Variants in UQCC1 observed in about 807,000 individuals in gnomAD.
UQCC1 encodes ubiquinol-cytochrome c reductase complex assembly factor 1.
A neutral mutation model predicts 48.0 loss-of-function variants in UQCC1; 38 were observed. The ratio of observed to expected loss-of-function variants is 0.79; its 90% CI spans 0.61 to 1.04. The LOEUF (loss-of-function observed/expected upper bound fraction) is 1.04. Ranked by LOEUF, UQCC1 falls within the 50% of genes least tolerant of loss-of-function variation. UQCC1 has a pLI of 0.00. For missense variants in UQCC1, 368 were observed against 381.8 expected (o/e 0.96, Z 0.30); for synonymous variants, 111 against 129.2 (o/e 0.86, Z 0.95).
intron 5 of UQCC1, among the ~76,000 whole-genome samples, chr20:35,372,308 C>CAAAAA (rs1195132058): frequency 2.1e-5 from 2 of 93,974 alleles, no homozygotes; most frequent in African/African-American, 4.0e-5. Flanking sequence ...GATTCTGTCT[C>CAAAAA]AAAAAAAAAA....
intron 1 of UQCC1, among the ~76,000 whole-genome samples, chr20:35,396,431 C>T (rs2062080134): frequency 1.3e-5 from 2 of 151,908 alleles, no homozygotes; most frequent in African/African-American, 4.8e-5. Flanking sequence ...ACCTCAGCCT[C>T]CCAAGTAGCT....
intron 6 of UQCC1, among the ~76,000 whole-genome samples, chr20:35,353,802 A>C (rs923580208): frequency 6.6e-6 from 1 of 152,250 alleles, no homozygotes; most frequent in South Asian, 2.1e-4. Flanking sequence ...AAAAAAAAAA[A>C]ATTAGCTTAG....
chr20:35,309,800 T>C (rs1350996703), intron 8 of UQCC1, among the ~76,000 whole-genome samples: 2 of 152,234 alleles, frequency 1.3e-5, no homozygotes, highest in Non-Finnish European at 2.9e-5. Context: ...AAGATTGATT[T>C]GACATCACTA....
intron 2 of UQCC1, among the ~76,000 whole-genome samples, chr20:35,390,417 G>A (rs377404404): frequency 2.1e-5 from 3 of 141,274 alleles, no homozygotes; most frequent in African/African-American, 5.3e-5. Flanking sequence ...GTGAAACTCC[G>A]TCTCAAAAAA....
At chr20:35,334,696 ACAGTAC>A (rs1349690425) in intron 7 of UQCC1, among the ~76,000 whole-genome samples, 1 of 152,228 alleles carries the variant, frequency 6.6e-6, no homozygotes, top group Non-Finnish European at 1.5e-5. Context: ...TGCTTTTAGC[ACAGTAC>A]CTGGAAGCTA....
intron 6 of UQCC1, among the ~76,000 whole-genome samples, chr20:35,364,407 C>A (rs528926821): frequency 6.6e-6 from 1 of 152,274 alleles, no homozygotes; most frequent in South Asian, 2.1e-4. Flanking sequence ...ACTTACATTT[C>A]TTGAAGATAC....
intron 7 of UQCC1, 167 bp downstream of exon 7, chr20:35,346,997 T>C: frequency 6.4e-7 from 1 of 1,552,640 alleles, no homozygotes; most frequent in Non-Finnish European, 8.7e-7. Context: ...CTGTGGAGTA[T>C]TAGTTTCCAC....
intron 4 of UQCC1, among the ~76,000 whole-genome samples, chr20:35,375,413 G>C (rs2061784756): frequency 6.6e-6 from 1 of 152,138 alleles, no homozygotes; most frequent in Non-Finnish European, 1.5e-5. Flanking sequence ...CTTGAGATCT[G>C]TCATGTTTTT....
intron 6 of UQCC1, among the ~76,000 whole-genome samples, chr20:35,360,173 G>A (rs867661702): frequency 2.0e-5 from 3 of 152,226 alleles, no homozygotes; most frequent in African/African-American, 7.2e-5. Flanking sequence ...AGCTACAAGC[G>A]TGGGTGTTTG....
chr20:35,383,956 C>A, intron 3 of UQCC1, 82 bp downstream of exon 3: 1 of 1,254,928 alleles, frequency 8.0e-7, no homozygotes, highest in Non-Finnish European at 1.1e-6. Context: ...CTAAAACTCA[C>A]CTAGCTAACA....
chr20:35,384,481 T>C (rs1409513220), intron 2 of UQCC1: 1 of 292,892 alleles, frequency 3.4e-6, no homozygotes, highest in African/African-American at 2.2e-5. Context: ...TTTCTACAAA[T>C]TTTTTTTTAA....
At chr20:35,385,347 A>C (rs987046544) in intron 2 of UQCC1, among the ~76,000 whole-genome samples, 4 of 152,240 alleles carry the variant, frequency 2.6e-5, no homozygotes, top group African/African-American at 9.6e-5. Flanking sequence ...TTTAAAAACA[A>C]TTTGGCAATA....
chr20:35,348,701 C>T (rs1466938350), intron 6 of UQCC1, among the ~76,000 whole-genome samples: 1 of 151,974 alleles, frequency 6.6e-6, no homozygotes, highest in South Asian at 2.1e-4. Flanking sequence ...TCACCCAGGC[C>T]GGAATGCAGT....
chr20:35,309,631 C>T lies in UQCC1; in HGVS notation c.652-2852G>A, dbSNP rs112783857. 8.6e-3 allele frequency among the ~76,000 whole-genome samples: 1,305 copies of T among 152,232 alleles called. 18 individuals are homozygous for T. Among genetic ancestry groups the T allele is most frequent in the Admixed American group, 0.011 (167 of 15,288 alleles). On this transcript the variant is annotated intron_variant, in intron 8 of 9. Coordinates refer to ENST00000374385, the MANE Select transcript of UQCC1 (RefSeq NM_018244.5). ...CAGCATAATTTCCCCCCAATCTAAT[C>T]GGGTGCCTACTTGTTTTCCCTCGTG...
chr20:35,411,754 C>T (rs978233494), intron 1 of UQCC1, among the ~76,000 whole-genome samples, 186 bp downstream of exon 1: 7 of 152,126 alleles, frequency 4.6e-5, no homozygotes, highest in Admixed American at 4.6e-4. Flanking sequence ...GATGGGGGAG[C>T]TAAGGTCAAA....
chr20:35,372,769 T>A (rs1424469638), intron 5 of UQCC1, among the ~76,000 whole-genome samples: 1 of 152,036 alleles, frequency 6.6e-6, no homozygotes, highest in Non-Finnish European at 1.5e-5. Context: ...CTCAGGAGGC[T>A]GAGGAACAAG....
chr20:35,312,361 A>T (rs1485843080), intron 8 of UQCC1, among the ~76,000 whole-genome samples: 3 of 152,202 alleles, frequency 2.0e-5, no homozygotes, highest in African/African-American at 7.2e-5. Context: ...CTATTTTAAC[A>T]AAAGTTAAGA....
intron 7 of UQCC1, among the ~76,000 whole-genome samples, chr20:35,319,358 T>C (rs6060369): frequency 0.48 from 73,091 of 152,042 alleles, 19,334 homozygotes; most frequent in African/African-American, 0.71. Flanking sequence ...ATAGGAGGCT[T>C]GGCTAAATGA....
chr20:35,325,820 A>T (rs2061186529), intron 7 of UQCC1, among the ~76,000 whole-genome samples: 2 of 152,130 alleles, frequency 1.3e-5, no homozygotes, highest in Admixed American at 6.5e-5. Flanking sequence ...AGGGAGGTGA[A>T]CAAGTACAGC....
Sources: allele counts gnomAD v4.1 joint callset (sites outside exome capture counted in the v4.1 genomes callset), GRCh38; gene constraint gnomAD v4.1.1; transcripts MANE v1.5; gene names NCBI Gene and HGNC (gene_info 2026-07-23, HGNC 2026-07-21).